LRP1B: variants seen among roughly 807,000 people sequenced by gnomAD.
LRP1B encodes low-density lipoprotein receptor-related protein 1B.
A neutral mutation model predicts 556.6 loss-of-function variants in LRP1B; 217 were observed. That is an observed-to-expected ratio of 0.39 (90% CI 0.35 to 0.44). The LOEUF (loss-of-function observed/expected upper bound fraction) is 0.44. LRP1B is among the 20% of genes least tolerant of loss of function. The probability of loss-of-function intolerance (pLI) is 1.00; values close to 1 mark genes in which losing one functional copy is unlikely to be tolerated. For missense variants in LRP1B, 5,053 were observed against 5,620.8 expected, an observed-to-expected ratio of 0.90 and a Z score of 3.23; for synonymous variants, 2,047 against 1,865.8, an observed-to-expected ratio of 1.10 and a Z score of -2.50.
In LRP1B at chr2:141,801,087, T is replaced by C. The variant is rs546917629; in HGVS notation, c.205+9192A>G. ...GAAACATTTCTTTTTACTGTCAAAT[T>C]ACATAGGCTTTATTGCCTAACCCAA... On this transcript the variant is annotated intron_variant, in intron 2 of 90. Transcript: ENST00000389484. 7.9e-5 allele frequency among the ~76,000 whole-genome samples: 12 copies of C among 152,246 alleles called. No homozygotes were observed. In the South Asian group the frequency reaches 2.5e-3, roughly 32 times the overall value.
intron 15 of LRP1B, among the ~76,000 whole-genome samples, chr2:141,000,730 A>G (rs1697394387): frequency 6.6e-6 from 1 of 152,128 alleles, no homozygotes; most frequent in East Asian, 1.9e-4. Context: ...ATAACAATTC[A>G]TTTAAGTCAT....
At chr2:140,849,125 G>A (rs1348491044) in intron 29 of LRP1B, among the ~76,000 whole-genome samples, 1 of 151,258 alleles carries the variant, frequency 6.6e-6, no homozygotes, top group African/African-American at 2.4e-5. Context: ...GGGAGGCCAA[G>A]GCGGGTGGAT....
At chr2:141,893,287 A>T (rs1240027249) in intron 1 of LRP1B, among the ~76,000 whole-genome samples, 2 of 151,776 alleles carry the variant, frequency 1.3e-5, no homozygotes, top group Non-Finnish European at 2.9e-5. Flanking sequence ...TGCAACCTCC[A>T]CCTCCCGGAT....
At chr2:141,768,672 A>G (rs2105610317) in intron 2 of LRP1B, among the ~76,000 whole-genome samples, 1 of 152,222 alleles carries the variant, frequency 6.6e-6, no homozygotes, top group South Asian at 2.1e-4. Context: ...TCAAGAGGAA[A>G]GCCTTGAAGT....
intron 7 of LRP1B, among the ~76,000 whole-genome samples, chr2:141,161,036 T>C (rs575170580): frequency 1.6e-4 from 25 of 152,238 alleles, no homozygotes; most frequent in African/African-American, 5.5e-4. Flanking sequence ...GAACTTTCTA[T>C]TAATTTTGCA....
rs114500225 is a variant in LRP1B at position 141,380,973 on chromosome 2, T to G, written c.343+99423A>C. ...ACCAATATGTGAAGACCGGGCGAGGTGATTTTTAAAATATAATGTGTAGAA... is the reference window on the plus strand; with the variant it reads ...ACCAATATGTGAAGACCGGGCGAGGGGATTTTTAAAATATAATGTGTAGAA... On this transcript the variant is annotated intron_variant, in intron 3 of 90. Coordinates refer to ENST00000389484, the MANE Select transcript of LRP1B (RefSeq NM_018557.3). Among the ~76,000 whole-genome samples the G allele has an allele frequency of 3.8e-3, 577 of 152,048 alleles. 3 individuals carry two copies. Among genetic ancestry groups the G allele is most frequent in the African/African-American group, 0.013 (550 of 41,502 alleles).
intron 62 of LRP1B, among the ~76,000 whole-genome samples, chr2:140,452,791 G>T (rs1448972378): frequency 6.6e-6 from 1 of 151,948 alleles, no homozygotes; most frequent in East Asian, 1.9e-4. Context: ...GATATGATGG[G>T]GTGAATTCAT....
chr2:141,619,185 T>C (rs1688415336), intron 2 of LRP1B, among the ~76,000 whole-genome samples: 1 of 152,190 alleles, frequency 6.6e-6, no homozygotes, highest in African/African-American at 2.4e-5. Flanking sequence ...TTAGGGAATT[T>C]CTGCTTTTTA....
intron 2 of LRP1B, among the ~76,000 whole-genome samples, chr2:141,536,789 TG>T (rs1441638166): frequency 6.6e-6 from 1 of 152,060 alleles, no homozygotes; most frequent in East Asian, 1.9e-4. Context: ...ATTTTTTTCT[TG>T]TGTCATAGAA....
chr2:140,954,996 A>G (rs1695831277), intron 18 of LRP1B, among the ~76,000 whole-genome samples: 1 of 151,980 alleles, frequency 6.6e-6, no homozygotes. Context: ...TTTCATTCTC[A>G]AAGTACTATG....
intron 7 of LRP1B, among the ~76,000 whole-genome samples, chr2:141,104,889 G>T (rs557654956): frequency 6.6e-5 from 10 of 151,998 alleles, no homozygotes; most frequent in Non-Finnish European, 1.5e-4. Flanking sequence ...TTTTCTACTG[G>T]CAGCAAAATG....
chr2:140,387,796 T>G (rs1683827708), intron 66 of LRP1B, among the ~76,000 whole-genome samples: 1 of 152,208 alleles, frequency 6.6e-6, no homozygotes, highest in Non-Finnish European at 1.5e-5. Flanking sequence ...TTAGATTGAA[T>G]GGCCACTGAA....
chr2:141,148,887 C>A (rs1701851257), intron 7 of LRP1B, among the ~76,000 whole-genome samples: 1 of 152,070 alleles, frequency 6.6e-6, no homozygotes, highest in Non-Finnish European at 1.5e-5. Flanking sequence ...AGTTTAAGAC[C>A]AGCCTGGCCA....
At chr2:140,628,759 A>T (rs956026337) in intron 41 of LRP1B, among the ~76,000 whole-genome samples, 4 of 152,142 alleles carry the variant, frequency 2.6e-5, no homozygotes, top group Non-Finnish European at 4.4e-5. Context: ...TATAATTCCC[A>T]GTGTTGGAGG....
At position 141,684,600 on chromosome 2, in the gene LRP1B, A is replaced by C. The variant is rs376049938; in HGVS notation, c.205+125679T>G. 2.6e-4 allele frequency among the ~76,000 whole-genome samples: 40 copies of C among 151,742 alleles called. No homozygotes were observed. The South Asian group carries it at 6.9e-3, about 26-fold the overall frequency. Reference sequence around the variant, plus strand: ...CACATGTATCCCAGAACTTAAAGTAAAAAAAAAGAAAAAAAAATTGAACAG... The same window carrying C: ...CACATGTATCCCAGAACTTAAAGTACAAAAAAAGAAAAAAAAATTGAACAG... On this transcript the variant is annotated intron_variant, in intron 2 of 90. Coordinates refer to ENST00000389484, the MANE Select transcript of LRP1B (RefSeq NM_018557.3).
chr2:140,531,817 A>G (rs16844171), intron 47 of LRP1B, among the ~76,000 whole-genome samples: 8,352 of 152,180 alleles, frequency 0.055, 408 homozygotes, highest in African/African-American at 0.14. Context: ...CCTCCAGTTC[A>G]TGCCTGCCCT....
intron 41 of LRP1B, among the ~76,000 whole-genome samples, chr2:140,682,883 G>C (rs1462525995): frequency 6.6e-6 from 1 of 152,052 alleles, no homozygotes. Context: ...GATTTAGAAT[G>C]TTTACTTCAG....
At chr2:141,467,081 C>T (rs1682239433) in intron 3 of LRP1B, among the ~76,000 whole-genome samples, 1 of 108,686 alleles carries the variant, frequency 9.2e-6, no homozygotes, top group Admixed American at 1.1e-4. Flanking sequence ...TATATATACA[C>T]ACACACACAC....
intron 3 of LRP1B, among the ~76,000 whole-genome samples, chr2:141,467,847 G>GC (rs1559087232): frequency 1.9e-5 from 2 of 106,304 alleles, no homozygotes; most frequent in Non-Finnish European, 4.0e-5. Context: ...ACCGGGGGGG[G>GC]GGGAATTCCA....
Sources: gnomAD v4.1 joint callset for allele counts (sites outside exome capture counted in the v4.1 genomes callset) on GRCh38, gnomAD v4.1.1 for gene constraint, MANE v1.5 for transcripts, NCBI Gene and HGNC (gene_info 2026-07-23, HGNC 2026-07-21) for gene names.